Variants in LGSN observed in about 807,000 individuals in gnomAD.
The protein encoded by LGSN is lengsin.
A neutral mutation model predicts 19.5 loss-of-function variants in LGSN; 21 were observed. That is an observed-to-expected ratio of 1.07 (90% CI 0.76 to 1.55). The LOEUF (loss-of-function observed/expected upper bound fraction) is 1.55. Ranked by LOEUF, LGSN falls within the 40% of genes most tolerant of loss-of-function variation. The probability of loss-of-function intolerance (pLI) is 0.00; values close to 1 mark genes in which losing one functional copy is unlikely to be tolerated. For synonymous variants in LGSN, 257 were observed against 215.6 expected, an observed-to-expected ratio of 1.19 and a Z score of -1.68; for missense variants, 673 against 608.5, an observed-to-expected ratio of 1.11 and a Z score of -1.12.
chr6:63,397,711 T>G, the LGSN span, among the ~76,000 whole-genome samples: 1 of 151,828 alleles, frequency 6.6e-6, no homozygotes, highest in Non-Finnish European at 1.5e-5. Flanking sequence ...AGGTCAGAAG[T>G]TTTTGAGACC....
At chr6:63,438,537 G>A in the LGSN span, among the ~76,000 whole-genome samples, 1 of 151,904 alleles carries the variant, frequency 6.6e-6, no homozygotes, top group African/African-American at 2.4e-5. Context: ...ATCAAAAAGT[G>A]GGCGAAGGAC....
At chr6:63,537,377 G>A in the LGSN span, among the ~76,000 whole-genome samples, 1 of 152,118 alleles carries the variant, frequency 6.6e-6, no homozygotes, top group Non-Finnish European at 1.5e-5. Context: ...AGGATAAAGA[G>A]GAAAAACCAT....
chr6:63,472,241 G>A, the LGSN span, among the ~76,000 whole-genome samples: 2 of 152,186 alleles, frequency 1.3e-5, no homozygotes, highest in East Asian at 1.9e-4. Context: ...TGGTTGAATC[G>A]GGACTGGTCC....
At chr6:63,532,019 T>C in the LGSN span, among the ~76,000 whole-genome samples, 2 of 152,148 alleles carry the variant, frequency 1.3e-5, no homozygotes, top group African/African-American at 4.8e-5. Flanking sequence ...GAGGCTGGTC[T>C]TGAACTCTTG....
the LGSN span, among the ~76,000 whole-genome samples, chr6:63,377,679 G>A: frequency 7.4e-3 from 1,128 of 152,124 alleles, 11 homozygotes; most frequent in African/African-American, 0.025. Flanking sequence ...TTGGGAAGCC[G>A]AGGCAGGAGG....
chr6:63,352,222 C>T, the LGSN span, among the ~76,000 whole-genome samples: 1 of 152,160 alleles, frequency 6.6e-6, no homozygotes, highest in Non-Finnish European at 1.5e-5. Context: ...AACTTACAAG[C>T]TAATGATTCA....
At chr6:63,535,014 C>T in the LGSN span, among the ~76,000 whole-genome samples, 1 of 151,646 alleles carries the variant, frequency 6.6e-6, no homozygotes, top group Admixed American at 6.6e-5. Context: ...GAGCCAAGAT[C>T]GCATCATTGC....
chr6:63,543,452 C>G, the LGSN span, among the ~76,000 whole-genome samples: 1 of 152,176 alleles, frequency 6.6e-6, no homozygotes, highest in African/African-American at 2.4e-5. Context: ...ATTATAAGCT[C>G]TTTATGAAAA....
chr6:63,425,189 C>G, the LGSN span, among the ~76,000 whole-genome samples: 1 of 152,202 alleles, frequency 6.6e-6, no homozygotes, highest in Non-Finnish European at 1.5e-5. Context: ...AAATGGTAGT[C>G]TCTGCAGAAG....
chr6:63,499,092 T>C, the LGSN span, among the ~76,000 whole-genome samples: 1 of 152,160 alleles, frequency 6.6e-6, no homozygotes, highest in Non-Finnish European at 1.5e-5. Flanking sequence ...ACATTGTTTA[T>C]GTGATGATTT....
chr6:63,460,486 A>G, the LGSN span, among the ~76,000 whole-genome samples: 2 of 152,262 alleles, frequency 1.3e-5, no homozygotes, highest in East Asian at 1.9e-4. Flanking sequence ...CTATCTTTGA[A>G]TTTAAATTGA....
chr6:63,500,536 C>T, the LGSN span, among the ~76,000 whole-genome samples: 17 of 152,154 alleles, frequency 1.1e-4, no homozygotes, highest in East Asian at 3.1e-3. Flanking sequence ...ATTCTCCTGC[C>T]TCAGCCTCCC....
the LGSN span, chr6:63,395,226 G>A: frequency 1.3e-5 from 2 of 152,218 alleles, no homozygotes; most frequent in Non-Finnish European, 1.5e-5. Flanking sequence ...GGGAGGGCAG[G>A]GCTGTTAACT....
chr6:63,467,057 C>T, the LGSN span, among the ~76,000 whole-genome samples: 15 of 151,982 alleles, frequency 9.9e-5, no homozygotes, highest in Admixed American at 5.3e-4. Context: ...AAATTCAGGT[C>T]GGAGGACTGA....
intron 1 of LGSN, among the ~76,000 whole-genome samples, chr6:63,304,044 G>A (rs939594412): frequency 2.6e-5 from 4 of 152,174 alleles, no homozygotes; most frequent in Non-Finnish European, 4.4e-5. Flanking sequence ...GTGGGAAAAG[G>A]GGCCTATGTG....
At chr6:63,290,725 C>T (rs778349494) in intron 2 of LGSN, among the ~76,000 whole-genome samples, 5 of 152,174 alleles carry the variant, frequency 3.3e-5, no homozygotes, top group African/African-American at 4.8e-5. Flanking sequence ...ATATGGTATT[C>T]GTTGCAGCTA....
the LGSN span, among the ~76,000 whole-genome samples, chr6:63,547,806 C>T: frequency 6.6e-6 from 1 of 152,126 alleles, no homozygotes; most frequent in Non-Finnish European, 1.5e-5. Context: ...CCACTGCGCC[C>T]GGCCCAGGGG....
the LGSN span, among the ~76,000 whole-genome samples, chr6:63,523,222 A>C: frequency 6.6e-6 from 1 of 152,136 alleles, no homozygotes; most frequent in African/African-American, 2.4e-5. Flanking sequence ...AAACAACTAT[A>C]AAGTAAGTGT....
chr6:63,326,083 G>C, the LGSN span, among the ~76,000 whole-genome samples: 4 of 152,074 alleles, frequency 2.6e-5, no homozygotes, highest in Non-Finnish European at 5.9e-5. Flanking sequence ...AGATTAGCTA[G>C]ATACAGAGTG....
Sources: allele counts gnomAD v4.1 joint callset (sites outside exome capture counted in the v4.1 genomes callset), GRCh38; gene constraint gnomAD v4.1.1; transcripts MANE v1.5; gene names NCBI Gene and HGNC (gene_info 2026-07-23, HGNC 2026-07-21).